Variants in CFAP100 observed in about 807,000 individuals in gnomAD.
The protein encoded by CFAP100 is cilia- and flagella-associated protein 100.
Under a neutral mutation model 81.5 loss-of-function variants are expected in CFAP100, and 70 were observed. The ratio of observed to expected loss-of-function variants is 0.86; its 90% confidence interval spans 0.71 to 1.05. The LOEUF is 1.05. Ranked by LOEUF, CFAP100 falls within the 50% of genes least tolerant of loss-of-function variation. The pLI, the probability that CFAP100 is intolerant of heterozygous loss-of-function variation, is 0.00. For missense variants in CFAP100, 811 were observed against 776.5 expected (o/e 1.04, Z -0.53); for synonymous variants, 341 against 314.8 (o/e 1.08, Z -0.88).
intron 13 of CFAP100, among the ~76,000 whole-genome samples, chr3:126,430,790 T>C (rs1163408986): frequency 6.6e-6 from 1 of 152,046 alleles, no homozygotes; most frequent in Admixed American, 6.6e-5. Flanking sequence ...TTTCTATTTC[T>C]TTGTTGACCT....
intron 3 of CFAP100, among the ~76,000 whole-genome samples, chr3:126,412,044 CTA>C (rs2083166104): frequency 6.6e-6 from 1 of 152,184 alleles, no homozygotes; most frequent in Admixed American, 6.5e-5. Flanking sequence ...GCATTTAACA[CTA>C]TGAACTTTCC....
At position 126,420,362 on chromosome 3, in the gene CFAP100, C is replaced by G. The variant is rs1222115962; in HGVS notation, c.1082+133C>G. On this transcript the variant is annotated intron_variant, in intron 11 of 16. Transcript: ENST00000352312. ...CTCACAGTCCCTACTCCAAGAAGGG[C>G]CAGACAGGGACGTCCCAGGCCGGCC... 1.5e-5 allele frequency: 20 copies of G among 1,305,726 alleles called. No homozygotes were observed. In the East Asian group the frequency reaches 4.9e-4, roughly 32 times the overall value. 80.9% of individuals were successfully genotyped at this position (1,305,726 alleles called of 1,614,324 possible).
At chr3:126,418,983 C>G (rs1398112493) in intron 7 of CFAP100, 93 bp from the exon 8 acceptor site, 35 of 992,196 alleles carry the variant, frequency 3.5e-5, no homozygotes, top group Non-Finnish European at 5.1e-5. Flanking sequence ...CGGGCCCAGC[C>G]CTGGGGCCTG....
chr3:126,418,847 CT>C, intron 7 of CFAP100, 73 bp downstream of exon 7: 1 of 1,469,520 alleles, frequency 6.8e-7, no homozygotes, highest in Non-Finnish European at 9.1e-7. Flanking sequence ...TGCACACCCA[CT>C]TATCCAGCCT....
chr3:126,434,276 C>T lies in CFAP100; in HGVS notation c.1523C>T (p.Thr508Ile), dbSNP rs370968150. 1.2e-6 allele frequency: 2 copies of T among 1,614,076 alleles called. No individual in the cohort carries two copies. Among genetic ancestry groups the T allele is most frequent in the Non-Finnish European group, 1.7e-6 (2 of 1,180,028 alleles). The part of the protein sequence containing the change: ...EANLGTVQML[T>I]IIEHQLDELL... ...AACCTGGGCACCGTGCAGATGCTGA[C>T]CATCATTGAGCACCAGCTGGATGAG... is the stretch of plus-strand genomic sequence containing the variant. The change falls in exon 15 of 17, where the codon ACC (threonine) becomes ATC (isoleucine). Residue 508 changes from threonine (T) to isoleucine (I), a missense_variant. Coordinates refer to ENST00000352312, the MANE Select transcript of CFAP100 (RefSeq NM_182628.3).
At chr3:126,418,964 G>A in intron 7 of CFAP100, 112 bp from the exon 8 acceptor site, 1 of 985,000 alleles carries the variant, frequency 1.0e-6, no homozygotes, top group Non-Finnish European at 1.5e-6. Context: ...CTCCAGCCCT[G>A]TCCGGAGCCG....
chr3:126,396,222 A>G (rs564164961), intron 2 of CFAP100, among the ~76,000 whole-genome samples, 173 bp downstream of exon 2: 2 of 152,286 alleles, frequency 1.3e-5, no homozygotes, highest in South Asian at 4.1e-4. Flanking sequence ...GTAACAAAGC[A>G]CCACCACAAA....
chr3:126,403,829 C>A (rs7650596), intron 2 of CFAP100, among the ~76,000 whole-genome samples: 118,291 of 152,220 alleles, frequency 0.78, 46,367 homozygotes, highest in African/African-American at 0.83. Flanking sequence ...AAGAAAACAC[C>A]ATTTTTTTTT....
At chr3:126,424,868 TC>T (rs2083385599) in intron 13 of CFAP100, among the ~76,000 whole-genome samples, 1 of 152,172 alleles carries the variant, frequency 6.6e-6, no homozygotes. Flanking sequence ...AGGAAAGCCA[TC>T]CACACAGGCT....
Position 126,433,133 on chromosome 3 carries a change from G to C in CFAP100, c.1351G>C (p.Glu451Gln). Residue 451 changes from glutamate (E) to glutamine (Q), a missense_variant, in exon 14 of 17, where the codon GAG (glutamate) becomes CAG (glutamine). Physicochemically the swap from Glu to Gln is conservative, Grantham distance 29 (BLOSUM62 2). Transcript: ENST00000352312. ...TTMMMSITKE[E>Q]DTAAELELKA... is the part of the protein sequence containing the mutation. ...AATGATGATGTCCATCACCAAGGAG[G>C]AGGACACAGCAGCTGAGCTGGAGCT... 6 of 1,614,192 alleles carry C rather than the reference G, an allele frequency of 3.7e-6. No individual in the cohort carries two copies. Among genetic ancestry groups the C allele is most frequent in the Non-Finnish European group, 4.2e-6 (5 of 1,180,000 alleles).
chr3:126,397,094 A>C (rs2082902004), intron 2 of CFAP100, among the ~76,000 whole-genome samples: 1 of 152,228 alleles, frequency 6.6e-6, no homozygotes, highest in South Asian at 2.1e-4. Context: ...CGGAGATCAC[A>C]CAATGAAAAC....
intron 15 of CFAP100, among the ~76,000 whole-genome samples, chr3:126,435,039 A>G (rs946310173): frequency 1.3e-5 from 2 of 152,100 alleles, no homozygotes; most frequent in South Asian, 4.1e-4. Flanking sequence ...CAGGGCTCTG[A>G]GACAGCGCAA....
intron 2 of CFAP100, among the ~76,000 whole-genome samples, chr3:126,399,580 G>A (rs1215061572): frequency 6.6e-6 from 1 of 152,140 alleles, no homozygotes; most frequent in African/African-American, 2.4e-5. Flanking sequence ...AGAAAAACCA[G>A]TTTGTCTCTG....
At chr3:126,430,210 G>A (rs559199098) in intron 13 of CFAP100, among the ~76,000 whole-genome samples, 3 of 149,726 alleles carry the variant, frequency 2.0e-5, no homozygotes, top group Non-Finnish European at 4.5e-5. Context: ...CCAGACATGG[G>A]AAAATTTCAG....
chr3:126,428,590 T>C (rs1021128892), intron 13 of CFAP100, among the ~76,000 whole-genome samples: 1 of 152,084 alleles, frequency 6.6e-6, no homozygotes, highest in Non-Finnish European at 1.5e-5. Context: ...ATGTTGATAG[T>C]GGGAGAGGCT....
intron 13 of CFAP100, among the ~76,000 whole-genome samples, chr3:126,429,133 A>G (rs953054154): frequency 5.7e-5 from 8 of 140,624 alleles, no homozygotes; most frequent in South Asian, 4.5e-4. Flanking sequence ...AAAAAAAAAA[A>G]AGAAAGGATT....
At position 126,419,558 on chromosome 3, in the gene CFAP100, G is replaced by A. The variant is rs935921690; in HGVS notation, c.732-79G>A. 3.0e-6 allele frequency: 4 copies of A among 1,328,474 alleles called. No individual in the cohort carries two copies. In the African/African-American group the frequency reaches 5.8e-5, roughly 19 times the overall value. The allele number at this position is 1,328,474 out of a possible 1,614,324, so 82.3% of individuals were successfully genotyped here. A position where few individuals can be genotyped will look rare whatever the true frequency, so the allele number is the denominator to read the frequency against. On this transcript the variant is annotated intron_variant, in intron 8 of 16. Coordinates refer to ENST00000352312, the MANE Select transcript of CFAP100 (RefSeq NM_182628.3). ...CCACACAGACTTGGCCAGGATGGAGGGGTGGCCCCGGCATGGGGACCTCGC... is the reference window on the plus strand; with the variant it reads ...CCACACAGACTTGGCCAGGATGGAGAGGTGGCCCCGGCATGGGGACCTCGC...
intron 7 of CFAP100, 26 bp from the exon 8 acceptor site, chr3:126,419,050 C>T: frequency 8.4e-7 from 1 of 1,195,022 alleles, no homozygotes; most frequent in African/African-American, 1.5e-5. Context: ...GCCCCCATCC[C>T]TCCTCCCCCG....
chr3:126,419,291 G>A (rs533019120), intron 8 of CFAP100, 135 bp downstream of exon 8: 3 of 637,964 alleles, frequency 4.7e-6, no homozygotes, highest in South Asian at 4.1e-5. Context: ...CCATGAGGCT[G>A]TTGCCCATTT....
Sources: allele counts gnomAD v4.1 joint callset (sites outside exome capture counted in the v4.1 genomes callset), GRCh38; gene constraint gnomAD v4.1.1; transcripts MANE v1.5; gene names NCBI Gene and HGNC (gene_info 2026-07-23, HGNC 2026-07-21).